The following COL25A1 variants were observed in gnomAD, a reference collection of about 807,000 sequenced individuals.
COL25A1 encodes collagen type XXV alpha 1 chain.
COL25A1 carries 103 observed loss-of-function variants against 128.4 expected under a neutral mutation model. That is an observed-to-expected ratio of 0.80 (90% CI 0.68 to 0.94). The LOEUF is 0.94. Among genes scored for constraint, COL25A1 ranks in the 40% least tolerant of loss-of-function variants. The pLI, the probability that COL25A1 is intolerant of heterozygous loss-of-function variation, is 0.00. For missense variants in COL25A1, 745 were observed against 840.0 expected (o/e 0.89, Z 1.40); for synonymous variants, 279 against 277.2 (o/e 1.01, Z -0.06).
intron 3 of COL25A1, among the ~76,000 whole-genome samples, chr4:109,179,298 C>A (rs1774408120): frequency 6.6e-6 from 1 of 152,206 alleles, no homozygotes; most frequent in South Asian, 2.1e-4. Flanking sequence ...CTCACCTCCC[C>A]CCACTGCACC....
At chr4:109,050,484 G>A (rs1760886166) in intron 3 of COL25A1, among the ~76,000 whole-genome samples, 1 of 151,934 alleles carries the variant, frequency 6.6e-6, no homozygotes, top group Non-Finnish European at 1.5e-5. Flanking sequence ...TAAGAAAATT[G>A]GTAGTTGAGT....
At chr4:109,246,808 G>A (rs1301680019) in intron 3 of COL25A1, among the ~76,000 whole-genome samples, 1 of 152,012 alleles carries the variant, frequency 6.6e-6, no homozygotes, top group Non-Finnish European at 1.5e-5. Context: ...CTGTTCTAGG[G>A]TTTGTAAGGG....
intron 3 of COL25A1, among the ~76,000 whole-genome samples, chr4:109,227,741 C>T (rs1327307583): frequency 6.6e-6 from 1 of 152,176 alleles, no homozygotes; most frequent in Admixed American, 6.5e-5. Context: ...AGCTTCCTGA[C>T]AGCAAATCTG....
chr4:109,013,944 A>AC (rs1201470342), intron 5 of COL25A1, among the ~76,000 whole-genome samples: 1 of 151,626 alleles, frequency 6.6e-6, no homozygotes, highest in African/African-American at 2.4e-5. Flanking sequence ...CTCCTCCCCC[A>AC]CCCCACCAAC....
At chr4:108,904,017 G>A (rs752598496) in intron 13 of COL25A1, among the ~76,000 whole-genome samples, 7 of 152,090 alleles carry the variant, frequency 4.6e-5, no homozygotes, top group South Asian at 2.1e-4. Flanking sequence ...TAATAGTTAC[G>A]TCACGAAACA....
At chr4:108,959,514 G>T (rs1425358) in intron 8 of COL25A1, among the ~76,000 whole-genome samples, 46,134 of 151,968 alleles carry the variant, frequency 0.3, 7,567 homozygotes, top group South Asian at 0.45. Context: ...ACAACCAAAG[G>T]TGTCAGACCC....
intron 3 of COL25A1, among the ~76,000 whole-genome samples, chr4:109,225,330 A>T (rs530997512): frequency 6.6e-6 from 1 of 152,294 alleles, no homozygotes; most frequent in Admixed American, 6.5e-5. Context: ...TGAATAGACA[A>T]TTTTCAAAAG....
intron 13 of COL25A1, among the ~76,000 whole-genome samples, chr4:108,914,392 T>C (rs1021744204): frequency 6.6e-6 from 1 of 152,206 alleles, no homozygotes; most frequent in African/African-American, 2.4e-5. Flanking sequence ...ACAGGGCTCC[T>C]ACATCAGCCC....
At chr4:108,881,364 C>A (rs1740104793) in intron 19 of COL25A1, among the ~76,000 whole-genome samples, 1 of 151,954 alleles carries the variant, frequency 6.6e-6, no homozygotes, top group Non-Finnish European at 1.5e-5. Flanking sequence ...TCAAAGCTTC[C>A]CTGGTATGTC....
At chr4:109,187,440 G>A (rs922218212) in intron 3 of COL25A1, among the ~76,000 whole-genome samples, 3 of 152,162 alleles carry the variant, frequency 2.0e-5, no homozygotes, top group Non-Finnish European at 4.4e-5. Flanking sequence ...AAAACCTATG[G>A]CAAGTTATTT....
At chr4:108,969,530 C>T (rs1173809464) in intron 8 of COL25A1, among the ~76,000 whole-genome samples, 2 of 152,176 alleles carry the variant, frequency 1.3e-5, no homozygotes, top group Admixed American at 1.3e-4. Flanking sequence ...ATAATAAACT[C>T]ATATCCTAGC....
intron 3 of COL25A1, among the ~76,000 whole-genome samples, chr4:109,300,330 T>C (rs1399081878): frequency 1.3e-5 from 2 of 152,232 alleles, no homozygotes; most frequent in Non-Finnish European, 2.9e-5. Flanking sequence ...TTTGTCCTTG[T>C]ACATCACCTT....
intron 11 of COL25A1, among the ~76,000 whole-genome samples, chr4:108,930,559 C>T (rs1010721220): frequency 6.6e-6 from 1 of 152,170 alleles, no homozygotes; most frequent in African/African-American, 2.4e-5. Context: ...AAATTTGGTC[C>T]TGTGAGCATT....
chr4:109,163,989 T>C (rs1772827517), intron 3 of COL25A1, among the ~76,000 whole-genome samples: 1 of 152,186 alleles, frequency 6.6e-6, no homozygotes, highest in Admixed American at 6.6e-5. Context: ...CTGAGTAATA[T>C]AAATTAACGA....
At chr4:109,156,066 C>G (rs1483439403) in intron 3 of COL25A1, among the ~76,000 whole-genome samples, 1 of 152,202 alleles carries the variant, frequency 6.6e-6, no homozygotes, top group Admixed American at 6.5e-5. Context: ...TGAGCTGATG[C>G]TGTCAACTGC....
At chr4:109,107,423 G>A (rs1479398017) in intron 3 of COL25A1, among the ~76,000 whole-genome samples, 2 of 152,086 alleles carry the variant, frequency 1.3e-5, no homozygotes, top group Non-Finnish European at 2.9e-5. Flanking sequence ...TAACAATTTA[G>A]GAGTAATATG....
intron 19 of COL25A1, among the ~76,000 whole-genome samples, chr4:108,880,430 A>AGT (rs1181184744): frequency 6.6e-6 from 1 of 152,232 alleles, no homozygotes; most frequent in Non-Finnish European, 1.5e-5. Flanking sequence ...TAACCTACAG[A>AGT]GTATACATGG....
chr4:109,086,583 C>T (rs1388029650), intron 3 of COL25A1, among the ~76,000 whole-genome samples: 3 of 152,180 alleles, frequency 2.0e-5, no homozygotes, highest in Non-Finnish European at 4.4e-5. Flanking sequence ...GTAGTCTATT[C>T]TCTAATCAGC....
chr4:109,047,734 T>C (rs868311582), intron 5 of COL25A1, among the ~76,000 whole-genome samples: 1,686 of 143,794 alleles, frequency 0.012, 40 homozygotes, highest in Non-Finnish European at 0.018. Flanking sequence ...TACTCTTTTT[T>C]TTTTTTTTTT....
Sources: allele counts gnomAD v4.1 joint callset (sites outside exome capture counted in the v4.1 genomes callset), GRCh38; gene constraint gnomAD v4.1.1; transcripts MANE v1.5; gene names NCBI Gene and HGNC (gene_info 2026-07-23, HGNC 2026-07-21).